Variants in MYO5B observed in about 807,000 individuals in gnomAD.
MYO5B encodes the protein unconventional myosin-Vb.
MYO5B carries 143 observed loss-of-function variants against 229.3 expected under a neutral mutation model. The ratio of observed to expected loss-of-function variants is 0.62; its 90% confidence interval spans 0.54 to 0.72. MYO5B has a LOEUF of 0.72. Among genes scored for constraint, MYO5B ranks in the 30% least tolerant of loss-of-function variants. The pLI is 0.00. For missense variants in MYO5B, 2,321 were observed against 2,331.0 expected (o/e 1.00, Z 0.09); for synonymous variants, 918 against 885.2 (o/e 1.04, Z -0.66).
intron 34 of MYO5B, among the ~76,000 whole-genome samples, chr18:49,842,781 G>A (rs1471000437): frequency 1.3e-5 from 2 of 152,216 alleles, no homozygotes; most frequent in East Asian, 3.9e-4. Context: ...CTTGGGAGGT[G>A]ATGGAATGTC....
At chr18:49,950,935 T>C (rs1472117716) in intron 14 of MYO5B, among the ~76,000 whole-genome samples, 2 of 152,200 alleles carry the variant, frequency 1.3e-5, no homozygotes, top group Non-Finnish European at 2.9e-5. Context: ...AACAGTTCAC[T>C]GTGCCTAAAT....
At chr18:50,042,981 C>T (rs528641951) in intron 2 of MYO5B, among the ~76,000 whole-genome samples, 2 of 152,140 alleles carry the variant, frequency 1.3e-5, no homozygotes, top group East Asian at 1.9e-4. Context: ...ACTCTTCCCC[C>T]CAAGGATGTA....
chr18:49,892,922 CTTAA>C (rs1031033788), intron 22 of MYO5B, among the ~76,000 whole-genome samples: 2 of 152,138 alleles, frequency 1.3e-5, no homozygotes, highest in Non-Finnish European at 2.9e-5. Flanking sequence ...TTGCAGCGTC[CTTAA>C]TTTTTTGTTA....
chr18:50,134,000 A>G (rs1452944849), intron 1 of MYO5B, among the ~76,000 whole-genome samples: 1 of 152,200 alleles, frequency 6.6e-6, no homozygotes, highest in Non-Finnish European at 1.5e-5. Context: ...AAGGTTTTTT[A>G]AAGATGGGAG....
intron 1 of MYO5B, among the ~76,000 whole-genome samples, chr18:50,115,945 A>G (rs1170253820): frequency 6.6e-6 from 1 of 152,112 alleles, no homozygotes; most frequent in Non-Finnish European, 1.5e-5. Context: ...GTTATCACTA[A>G]TCATAGATGC....
intron 32 of MYO5B, 139 bp downstream of exon 32, chr18:49,849,428 G>T: frequency 1.3e-6 from 1 of 774,032 alleles, no homozygotes; most frequent in Non-Finnish European, 2.3e-6. Context: ...AACTTCTATC[G>T]CCTGGCTGGA....
chr18:49,911,827 C>A (rs757138272), intron 18 of MYO5B, among the ~76,000 whole-genome samples: 32 of 152,130 alleles, frequency 2.1e-4, no homozygotes, highest in Non-Finnish European at 3.8e-4. Context: ...AGCGCTGCCA[C>A]AGAATTCCAT....
chr18:50,107,987 C>T (rs939515148), intron 1 of MYO5B, among the ~76,000 whole-genome samples: 2 of 149,644 alleles, frequency 1.3e-5, no homozygotes, highest in African/African-American at 4.9e-5. Flanking sequence ...TGGCTCACTA[C>T]AACCTTCGCC....
chr18:50,038,538 T>C (rs1209193516), intron 3 of MYO5B, among the ~76,000 whole-genome samples: 1 of 152,226 alleles, frequency 6.6e-6, no homozygotes, highest in Non-Finnish European at 1.5e-5. Context: ...GTTCTGCTTG[T>C]TATTAGAGTT....
At chr18:50,045,156 T>C (rs966363095) in intron 2 of MYO5B, among the ~76,000 whole-genome samples, 2 of 152,170 alleles carry the variant, frequency 1.3e-5, no homozygotes, top group African/African-American at 2.4e-5. Flanking sequence ...GCCTAGTTTA[T>C]AGGAGTGACA....
intron 2 of MYO5B, among the ~76,000 whole-genome samples, chr18:50,046,694 G>A (rs922078467): frequency 1.3e-5 from 2 of 152,102 alleles, no homozygotes; most frequent in Non-Finnish European, 2.9e-5. Context: ...GCATTAAAAG[G>A]TTGTTTTGTG....
intron 19 of MYO5B, 57 bp from the exon 20 acceptor site, chr18:49,904,885 C>A (rs2024882618): frequency 1.3e-6 from 2 of 1,593,610 alleles, no homozygotes; most frequent in South Asian, 2.2e-5. Context: ...CGCCCTGATG[C>A]AGAGAACCCT....
Position 50,101,539 on chromosome 18 carries a change from A to G in MYO5B, c.28-46161T>C, listed in dbSNP as rs111498353. On this transcript the variant is annotated intron_variant, in intron 1 of 39. Transcript: ENST00000285039. The stretch of plus-strand genomic sequence containing the variant: ...ATATCCAGAATCTACAAGAAACTTA[A>G]ATTTACAAGAAAAAAAAACAGACAA... Among the ~76,000 whole-genome samples, 1,284 of 152,244 alleles carry G rather than the reference A, an allele frequency of 8.4e-3. 9 individuals are homozygous for G. Among genetic ancestry groups the G allele is most frequent in the African/African-American group, 0.029 (1,222 of 41,566 alleles).
intron 22 of MYO5B, among the ~76,000 whole-genome samples, chr18:49,886,724 C>G (rs572203880): frequency 6.6e-6 from 1 of 152,004 alleles, no homozygotes; most frequent in African/African-American, 2.4e-5. Context: ...TAAAATGTGA[C>G]CTGGTGTTGA....
intron 7 of MYO5B, 55 bp downstream of exon 7, chr18:49,990,384 C>T: frequency 1.4e-6 from 2 of 1,440,742 alleles, no homozygotes; most frequent in South Asian, 1.1e-5. Flanking sequence ...CCCAGCTGTG[C>T]ACCCGCTGGA....
intron 1 of MYO5B, among the ~76,000 whole-genome samples, chr18:50,116,570 T>C (rs978113475): frequency 1.3e-5 from 2 of 151,968 alleles, no homozygotes; most frequent in African/African-American, 4.8e-5. Context: ...AGTTCTCCAA[T>C]GTGCCAAGTT....
chr18:49,979,249 A>G (rs1302768618), intron 9 of MYO5B, among the ~76,000 whole-genome samples: 1 of 152,168 alleles, frequency 6.6e-6, no homozygotes, highest in African/African-American at 2.4e-5. Flanking sequence ...CAGATGTCCA[A>G]AACAGCTCCA....
chr18:49,846,397 A>C lies in MYO5B; in HGVS notation c.4459+749T>G, dbSNP rs142826024. Among the ~76,000 whole-genome samples, 5 of 152,302 alleles carry C rather than the reference A, an allele frequency of 3.3e-5. No individual in the cohort carries two copies. The East Asian group carries it at 9.7e-4, about 29-fold the overall frequency. ...GTCCAGGGACCATGTATGAGCAACG[A>C]AATACGAACTTTCATTCTCACAACT... On this transcript the variant is annotated intron_variant, in intron 33 of 39. Transcript: ENST00000285039.
At chr18:50,142,046 A>G (rs192458723) in intron 1 of MYO5B, among the ~76,000 whole-genome samples, 37 of 152,314 alleles carry the variant, frequency 2.4e-4, no homozygotes, top group Non-Finnish European at 4.4e-4. Context: ...CAACCAAGTA[A>G]TTCTCCAGCT....
Sources: gnomAD v4.1 joint callset for allele counts (sites outside exome capture counted in the v4.1 genomes callset) on GRCh38, gnomAD v4.1.1 for gene constraint, MANE v1.5 for transcripts, NCBI Gene and HGNC (gene_info 2026-07-23, HGNC 2026-07-21) for gene names.